The following SNAPC4 variants were observed in gnomAD, a reference collection of about 807,000 sequenced individuals.
The protein encoded by SNAPC4 is snRNA-activating protein complex subunit 4.
In SNAPC4, 127 loss-of-function variants were observed where a neutral mutation model predicts 151.3. The ratio of observed to expected loss-of-function variants is 0.84; its 90% confidence interval spans 0.73 to 0.97. The LOEUF is 0.97. Among genes scored for constraint, SNAPC4 ranks in the 50% least tolerant of loss-of-function variants. SNAPC4 has a pLI of 0.00. For missense variants in SNAPC4, 2,186 were observed against 1,935.0 expected, an observed-to-expected ratio of 1.13 and a Z score of -2.43; for synonymous variants, 1,002 against 824.4, an observed-to-expected ratio of 1.22 and a Z score of -3.69.
At chr9:136,379,802 G>C (rs200191888) in intron 21 of SNAPC4, 35 bp downstream of exon 21, 5 of 1,605,418 alleles carry the variant, frequency 3.1e-6, no homozygotes, top group Non-Finnish European at 4.3e-6. Context: ...GCCAGGTTAG[G>C]TCTCTTCCCC....
At position 136,398,341 on chromosome 9, in the gene SNAPC4, C is replaced by T. The variant is rs138269645; in HGVS notation, c.88G>A (p.Val30Met). The T allele has an allele frequency of 8.7e-6, 14 of 1,613,932 alleles. No individual in the cohort carries two copies. The African/African-American group carries it at 1.5e-4, about 17-fold the overall frequency. ...TCGAGACTTGATTCTGAGATCTCCA[C>T]GTGGGAGCCCGAGGAGCCGGGATCC... ...ILDPGSSGSH[V>M]EISESSLESD... The change falls in exon 2 of 24, where the codon GTG becomes ATG. Residue 30 changes from valine to methionine, a missense_variant. By Grantham distance (21) the Val-to-Met change is conservative (BLOSUM62 1). Coordinates refer to ENST00000684778, the MANE Select transcript of SNAPC4 (RefSeq NM_003086.4).
chr9:136,382,288 G>A lies in SNAPC4; in HGVS notation c.2032C>T (p.Leu678Phe), dbSNP rs1203750440. The stretch of plus-strand genomic sequence containing the variant: ...CTCCGAGCAGCCGTGTTGGCCCTGA[G>A]CACCCTCAGCACGGTCTCCACAGGC... ...TVPVETVLRVLRANTAARSCT... is the reference protein window; with the variant it reads ...TVPVETVLRVFRANTAARSCT... The change falls in exon 17 of 24, where the codon CTC (leucine) becomes TTC (phenylalanine). Residue 678 changes from leucine (L) to phenylalanine (F), a missense_variant. Physicochemically the swap from Leu to Phe is conservative, Grantham distance 22. Transcript: ENST00000684778. The A allele has an allele frequency of 1.4e-5, 23 of 1,612,940 alleles. No individual in the cohort carries two copies. The highest frequency in any genetic ancestry group is 1.9e-5 in the Non-Finnish European group (22 of 1,179,958).
rs1057496512 is a variant in SNAPC4, at chr9:136,380,835, T to G, written c.2404A>C (p.Thr802Pro). The stretch of plus-strand genomic sequence containing the variant: ...CGGACGACCTCCAAGCAGCCGGCAG[T>G]ATCGATGTGGAACAGCTGCGGGACA... ...TLFTQLFHID[T>P]AGCLEVVRER... The change falls in exon 20 of 24, where the codon ACT (threonine) becomes CCT (proline). Residue 802 changes from threonine to proline, a missense_variant. Physicochemically the swap from Thr to Pro is conservative, Grantham distance 38 (BLOSUM62 -1). Coordinates refer to ENST00000684778, the MANE Select transcript of SNAPC4 (RefSeq NM_003086.4). The G allele has an allele frequency of 1.9e-5, 31 of 1,606,528 alleles. No homozygotes were observed. Among genetic ancestry groups the G allele is most frequent in the Non-Finnish European group, 2.5e-5 (29 of 1,174,226 alleles).
intron 10 of SNAPC4, among the ~76,000 whole-genome samples, chr9:136,390,723 T>C (rs1289792523): frequency 6.7e-6 from 1 of 149,216 alleles, no homozygotes; most frequent in Non-Finnish European, 1.5e-5. Flanking sequence ...ACTCAAAAAA[T>C]ATGAAAAACA....
intron 23 of SNAPC4, 110 bp downstream of exon 23, chr9:136,376,239 A>G: frequency 7.5e-7 from 1 of 1,334,814 alleles, no homozygotes; most frequent in Non-Finnish European, 1.0e-6. Flanking sequence ...CTAACCCAGC[A>G]CACCTGCTGT....
Position 136,383,074 on chromosome 9 carries a change from C to T in SNAPC4, c.1983+112G>A. 1 of 1,433,576 alleles carries T rather than the reference C, an allele frequency of 7.0e-7. No individual in the cohort carries two copies. Among genetic ancestry groups the T allele is most frequent in the Middle Eastern group, 2.6e-4 (1 of 3,890 alleles). 88.8% of individuals were successfully genotyped at this position (1,433,576 alleles called of 1,614,324 possible). On this transcript the variant is annotated intron_variant, in intron 16 of 23. Coordinates refer to ENST00000684778, the MANE Select transcript of SNAPC4 (RefSeq NM_003086.4). This position sits in a 1 kb window ranked among gnomAD's most constrained non-coding sequence, Gnocchi z 4.2. Reference sequence around the variant, plus strand: ...AGAGCTCAGCCAGAAGTAGCACGTTCTGATGCACACGAACCCTGGGGCCCC... The same window carrying T: ...AGAGCTCAGCCAGAAGTAGCACGTTTTGATGCACACGAACCCTGGGGCCCC...
At position 136,378,602 on chromosome 9, in the gene SNAPC4, A is replaced by G. The variant is rs1360184030; in HGVS notation, c.3225T>C (p.Pro1075=). The G allele has an allele frequency of 1.2e-5, 19 of 1,576,094 alleles. No homozygotes were observed. The highest frequency in any genetic ancestry group is 2.7e-5 in the African/African-American group (2 of 73,362). Residue 1075 remains proline, a synonymous_variant, in exon 22 of 24, where the codon CCT becomes CCC. Transcript: ENST00000684778. ...CCTGGGCTGTGAGCACCCAGGTGAC[A>G]GGCAGGGGGACACTGGTCGCCACAT... ...GPHVATSVPL[P]VTWVLTAQGL...
At chr9:136,393,000 C>A (rs981228236) in intron 7 of SNAPC4, among the ~76,000 whole-genome samples, 1 of 152,190 alleles carries the variant, frequency 6.6e-6, no homozygotes, top group Admixed American at 6.5e-5. Context: ...CAGAGGCTAC[C>A]GCCTGCTGGC....
In SNAPC4 at chr9:136,383,144, C is replaced by G; in HGVS notation, c.1983+42G>C. 6.6e-7 allele frequency: 1 copy of G among 1,509,296 alleles called. No homozygotes were observed. 93.5% of individuals were successfully genotyped at this position (1,509,296 alleles called of 1,614,324 possible). ...AGCGTCAGCCCTGGCGAGCGAGTGC[C>G]GAAAGTGCACTTCCCGTGGTACACC... On this transcript the variant is annotated intron_variant, in intron 16 of 23. Coordinates refer to ENST00000684778, the MANE Select transcript of SNAPC4 (RefSeq NM_003086.4). This position sits in a 1 kb window ranked among gnomAD's most constrained non-coding sequence, Gnocchi z 4.2.
Position 136,383,211 on chromosome 9 carries a change from G to C in SNAPC4, c.1958C>G (p.Ala653Gly). 1 of 1,552,758 alleles carries C rather than the reference G, an allele frequency of 6.4e-7. No individual in the cohort carries two copies. The highest frequency in any genetic ancestry group is 8.7e-7 in the Non-Finnish European group (1 of 1,152,262). Residue 653 changes from alanine (A) to glycine (G), a missense_variant, in exon 16 of 24, where the codon GCG becomes GGG. Physicochemically the swap from Ala to Gly is moderately conservative, Grantham distance 60 (BLOSUM62 0). Transcript: ENST00000684778. This position sits in a 1 kb window ranked among gnomAD's most constrained non-coding sequence, Gnocchi z 4.2. Reference sequence around the variant, plus strand: ...CTCCAGGGCCTGCTTCTCTGCGCCCGCCGGGCGAGTGTCTGCTGAGTGGGA... The same window carrying C: ...CTCCAGGGCCTGCTTCTCTGCGCCCCCCGGGCGAGTGTCTGCTGAGTGGGA... ...QASHSADTRP[A>G]GAEKQALEGG...
intron 20 of SNAPC4, 133 bp downstream of exon 20, chr9:136,380,607 G>C (rs1833651903): frequency 1.6e-6 from 1 of 614,420 alleles, no homozygotes; most frequent in East Asian, 2.8e-5. Context: ...GTCCCCTCAG[G>C]TGGGAAGTGC....
intron 21 of SNAPC4, 39 bp from the exon 22 acceptor site, chr9:136,379,338 C>T: frequency 6.2e-7 from 1 of 1,609,070 alleles, no homozygotes; most frequent in Non-Finnish European, 8.5e-7. Context: ...AAGCCCCAGG[C>T]ATCTGGCCCA....
At chr9:136,384,080 C>T (rs1358475432) in intron 14 of SNAPC4, 48 bp from the exon 15 acceptor site, 1 of 1,530,506 alleles carries the variant, frequency 6.5e-7, no homozygotes, top group South Asian at 1.2e-5. Flanking sequence ...AAGATTCTTC[C>T]CCAGGACAGG....
chr9:136,377,873 TAGG>T lies in SNAPC4; in HGVS notation c.3951_3953del (p.Leu1319del). On this transcript the variant is annotated inframe_deletion, in exon 22 of 24. Coordinates refer to ENST00000684778, the MANE Select transcript of SNAPC4 (RefSeq NM_003086.4). ...TGTGCTCCAGGGCCTTCTTGTGGAG[TAGG>T]AGACCGGACAGAGCTCGCAGGCTGC... 1.9e-6 allele frequency: 3 copies of T among 1,611,204 alleles called. No individual in the cohort carries two copies. Among genetic ancestry groups the T allele is most frequent in the African/African-American group, 2.7e-5 (2 of 74,906 alleles).
In SNAPC4 at chr9:136,377,529, G is replaced by T. The variant is rs773236762; in HGVS notation, c.4284+14C>A. The T allele has an allele frequency of 6.7e-7, 1 of 1,502,278 alleles. No individual in the cohort carries two copies. The highest frequency in any genetic ancestry group is 8.9e-7 in the Non-Finnish European group (1 of 1,125,246). The allele number at this position is 1,502,278 out of a possible 1,614,324, so 93.1% of individuals were successfully genotyped here. ...CGCCTGCCATGGGGAAGTGGGGCTG[G>T]GCGCCCACCCTACCTGAATGGGGCA... On this transcript the variant is annotated intron_variant, in intron 22 of 23. Transcript: ENST00000684778.
intron 6 of SNAPC4, 95 bp downstream of exon 6, chr9:136,394,705 A>G: frequency 9.0e-7 from 1 of 1,107,790 alleles, no homozygotes; most frequent in Non-Finnish European, 1.4e-6. Context: ...CACAACAGAG[A>G]GAGGTCTGAG....
At chr9:136,397,463 G>A (rs974022266) in intron 2 of SNAPC4, among the ~76,000 whole-genome samples, 3 of 106,664 alleles carry the variant, frequency 2.8e-5, no homozygotes, top group African/African-American at 9.6e-5. Flanking sequence ...AAGCAAGGCT[G>A]GGGGGGTCTC....
chr9:136,392,207 C>A (rs1834102006), intron 9 of SNAPC4, 101 bp from the exon 10 acceptor site: 1 of 1,433,088 alleles, frequency 7.0e-7, no homozygotes, highest in South Asian at 1.1e-5. Flanking sequence ...CTGGAGGCTT[C>A]CACGGCTGCA....
chr9:136,390,050 C>T (rs1320952341), intron 10 of SNAPC4, among the ~76,000 whole-genome samples: 3 of 152,004 alleles, frequency 2.0e-5, no homozygotes, highest in African/African-American at 7.2e-5. Context: ...GGAGAAAAAC[C>T]GGACTTACAG....
Sources: allele counts gnomAD v4.1 joint callset (sites outside exome capture counted in the v4.1 genomes callset), GRCh38; gene constraint gnomAD v4.1.1; non-coding constraint Gnocchi (gnomAD v3.1); transcripts MANE v1.5; gene names NCBI Gene and HGNC (gene_info 2026-07-23, HGNC 2026-07-21).